PPP3CA: variants seen among roughly 807,000 people sequenced by gnomAD.
The protein encoded by PPP3CA is protein phosphatase 3 catalytic subunit alpha, also known as CAM-PRP catalytic subunit.
PPP3CA carries 14 observed loss-of-function variants against 66.5 expected under a neutral mutation model. The observed-to-expected ratio is 0.21, with a 90% CI of 0.14 to 0.33. The LOEUF is 0.33. PPP3CA is among the 10% of genes least tolerant of loss of function. The pLI, the probability that PPP3CA is intolerant of heterozygous loss-of-function variation, is 1.00. For missense variants in PPP3CA, 317 were observed against 639.5 expected (o/e 0.50, Z 5.44); for synonymous variants, 232 against 226.2 (o/e 1.03, Z -0.23).
intron 1 of PPP3CA, among the ~76,000 whole-genome samples, chr4:101,267,484 G>A (rs541634395): frequency 6.6e-6 from 1 of 152,130 alleles, no homozygotes; most frequent in Non-Finnish European, 1.5e-5. Context: ...AATAATTACA[G>A]TACAGAAACT....
At chr4:101,139,171 G>A (rs544794463) in intron 2 of PPP3CA, among the ~76,000 whole-genome samples, 29 of 151,860 alleles carry the variant, frequency 1.9e-4, no homozygotes, top group African/African-American at 5.8e-4. Flanking sequence ...GTGAAACCCC[G>A]TCTCTACTAA....
At chr4:101,334,135 A>T (rs2110336104) in intron 1 of PPP3CA, among the ~76,000 whole-genome samples, 1 of 145,904 alleles carries the variant, frequency 6.9e-6, no homozygotes, top group South Asian at 2.1e-4. Flanking sequence ...AAACCAAGTG[A>T]CACTTTTTTT....
intron 8 of PPP3CA, among the ~76,000 whole-genome samples, chr4:101,069,650 T>C (rs960240873): frequency 6.6e-6 from 1 of 152,202 alleles, no homozygotes; most frequent in African/African-American, 2.4e-5. Context: ...GGTCCACTTA[T>C]ATGCAGATTT....
At chr4:101,291,149 T>G (rs1345785789) in intron 1 of PPP3CA, among the ~76,000 whole-genome samples, 1 of 148,528 alleles carries the variant, frequency 6.7e-6, no homozygotes, top group Non-Finnish European at 1.5e-5. Context: ...ATTCAGTTAT[T>G]CAGTTACTTA....
rs367744302 is a variant in PPP3CA, at chr4:101,291,135, G to A, written c.58+55604C>T. Among the ~76,000 whole-genome samples the A allele has an allele frequency of 1.4e-4, 17 of 122,182 alleles. No homozygotes were observed. In the East Asian group the frequency reaches 2.9e-3, roughly 21 times the overall value. The allele number at this position is 122,182 out of a possible 152,430, so 80.2% of individuals were successfully genotyped here. A position where few individuals can be genotyped will look rare whatever the true frequency, so the allele number is the denominator to read the frequency against. On this transcript the variant is annotated intron_variant, in intron 1 of 13. Coordinates refer to ENST00000394854, the MANE Select transcript of PPP3CA (RefSeq NM_000944.5). Reference sequence around the variant, plus strand: ...TACCTGATGTTTTGCCCCTTAACTAGGCTATTCAGTTATTCAGTTACTTAG... The same window carrying A: ...TACCTGATGTTTTGCCCCTTAACTAAGCTATTCAGTTATTCAGTTACTTAG...
intron 1 of PPP3CA, among the ~76,000 whole-genome samples, chr4:101,250,034 T>C (rs577310714): frequency 6.6e-6 from 1 of 152,210 alleles, no homozygotes; most frequent in Non-Finnish European, 1.5e-5. Context: ...GTATAAGGTA[T>C]GATGGTAATA....
At chr4:101,327,630 T>C (rs1729247952) in intron 1 of PPP3CA, among the ~76,000 whole-genome samples, 1 of 152,220 alleles carries the variant, frequency 6.6e-6, no homozygotes, top group South Asian at 2.1e-4. Context: ...CAGACTTACC[T>C]GATATTTTTT....
At chr4:101,162,277 A>T (rs1227257086) in intron 2 of PPP3CA, among the ~76,000 whole-genome samples, 2 of 151,508 alleles carry the variant, frequency 1.3e-5, no homozygotes, top group Non-Finnish European at 2.9e-5. Context: ...TCACACCTGT[A>T]ATCCCAGCAC....
chr4:101,281,449 G>A (rs376519546), intron 1 of PPP3CA, among the ~76,000 whole-genome samples: 5 of 152,236 alleles, frequency 3.3e-5, no homozygotes, highest in African/African-American at 9.6e-5. Context: ...ATACGTAAGA[G>A]GGGGTGAGAT....
intron 1 of PPP3CA, among the ~76,000 whole-genome samples, chr4:101,213,850 T>C (rs907187687): frequency 2.6e-5 from 4 of 152,106 alleles, no homozygotes; most frequent in Non-Finnish European, 5.9e-5. Context: ...TGCCTGTAAA[T>C]TGTAGATTAT....
intron 2 of PPP3CA, among the ~76,000 whole-genome samples, chr4:101,168,967 C>G (rs933427323): frequency 2.0e-5 from 3 of 152,106 alleles, no homozygotes; most frequent in African/African-American, 7.2e-5. Flanking sequence ...CTATCTTCCC[C>G]TTTATACCTA....
chr4:101,202,433 T>C (rs552932068), intron 1 of PPP3CA, among the ~76,000 whole-genome samples: 2 of 152,284 alleles, frequency 1.3e-5, no homozygotes, highest in South Asian at 4.2e-4. Flanking sequence ...GTTTAACTTA[T>C]ATTCTCCTAG....
At chr4:101,033,010 T>C (rs772501740) in intron 11 of PPP3CA, among the ~76,000 whole-genome samples, 14 of 152,176 alleles carry the variant, frequency 9.2e-5, no homozygotes, top group Non-Finnish European at 1.6e-4. Context: ...ATTATTTTCT[T>C]ACTCAGCATG....
intron 1 of PPP3CA, among the ~76,000 whole-genome samples, chr4:101,224,079 G>A (rs1286496475): frequency 6.6e-6 from 1 of 151,626 alleles, no homozygotes; most frequent in East Asian, 1.9e-4. Flanking sequence ...TAACATAAAA[G>A]GTGTGAAGCA....
intron 3 of PPP3CA, 66 bp downstream of exon 3, chr4:101,108,888 C>A: frequency 6.6e-7 from 1 of 1,506,802 alleles, no homozygotes; most frequent in Non-Finnish European, 9.1e-7. Context: ...ACATTTACTG[C>A]TTTTATTTTT....
chr4:101,184,127 A>C (rs1724330799), intron 2 of PPP3CA, among the ~76,000 whole-genome samples: 1 of 152,224 alleles, frequency 6.6e-6, no homozygotes, highest in South Asian at 2.1e-4. Context: ...CACAGAGCTA[A>C]CACCACAGGA....
chr4:101,101,372 A>T (rs1326453728), intron 3 of PPP3CA, among the ~76,000 whole-genome samples: 8 of 152,224 alleles, frequency 5.3e-5, no homozygotes, highest in Admixed American at 5.2e-4. Context: ...ATTTCAGGGA[A>T]GATATTCATA....
At chr4:101,215,198 A>G (rs2110208515) in intron 1 of PPP3CA, among the ~76,000 whole-genome samples, 1 of 152,054 alleles carries the variant, frequency 6.6e-6, no homozygotes, top group South Asian at 2.1e-4. Flanking sequence ...TATATATTAC[A>G]TTTACCAAAT....
intron 1 of PPP3CA, among the ~76,000 whole-genome samples, chr4:101,338,631 G>A (rs537385877): frequency 6.6e-6 from 1 of 152,202 alleles, no homozygotes; most frequent in East Asian, 1.9e-4. Context: ...GGTGTCCTCT[G>A]TGAGAAGGAA....
Sources: allele counts gnomAD v4.1 joint callset (sites outside exome capture counted in the v4.1 genomes callset), GRCh38; gene constraint gnomAD v4.1.1; transcripts MANE v1.5; gene names NCBI Gene and HGNC (gene_info 2026-07-23, HGNC 2026-07-21).